PMS1: variants seen among roughly 807,000 people sequenced by gnomAD.
PMS1 encodes the protein PMS1 protein homolog 1.
In PMS1, 79 loss-of-function variants were observed where a neutral mutation model predicts 93.1. That is an observed-to-expected ratio of 0.85 (90% CI 0.71 to 1.02). The LOEUF is 1.02. PMS1 is among the 50% of genes least tolerant of loss of function. PMS1 has a pLI of 0.00. For missense variants in PMS1, 1,064 were observed against 1,085.3 expected (o/e 0.98, Z 0.28); for synonymous variants, 335 against 363.4 (o/e 0.92, Z 0.89).
chr2:189,855,982 G>C, intron 9 of PMS1: 1 of 354,836 alleles, frequency 2.8e-6, no homozygotes, highest in Non-Finnish European at 4.3e-6. Flanking sequence ...CCATCATCTG[G>C]AGTTTATATT....
chr2:189,872,837 T>A (rs543338533), intron 11 of PMS1, among the ~76,000 whole-genome samples: 1 of 152,212 alleles, frequency 6.6e-6, no homozygotes, highest in South Asian at 2.1e-4. Context: ...GGTCTCACCA[T>A]GTTGGACAGG....
intron 2 of PMS1, among the ~76,000 whole-genome samples, chr2:189,792,708 T>C (rs1362198814): frequency 6.8e-6 from 1 of 146,354 alleles, no homozygotes; most frequent in Non-Finnish European, 1.5e-5. Flanking sequence ...TATATATATA[T>C]ATATATATAT....
intron 6 of PMS1, among the ~76,000 whole-genome samples, chr2:189,848,081 A>T (rs5743115): frequency 1.1e-3 from 170 of 152,292 alleles, no homozygotes; most frequent in African/African-American, 4.0e-3. Flanking sequence ...GACACACTCC[A>T]GTGCTACTTC....
intron 11 of PMS1, among the ~76,000 whole-genome samples, chr2:189,869,386 C>G (rs2056939414): frequency 6.6e-6 from 1 of 152,122 alleles, no homozygotes; most frequent in African/African-American, 2.4e-5. Context: ...TGCTCAGGGT[C>G]CCTGGCATCT....
At chr2:189,800,277 C>A (rs1223041416) in intron 3 of PMS1, among the ~76,000 whole-genome samples, 2 of 152,066 alleles carry the variant, frequency 1.3e-5, no homozygotes, top group Non-Finnish European at 2.9e-5. Flanking sequence ...TCTTTACTAG[C>A]ATGATTAGAA....
At chr2:189,823,352 C>T (rs1245993595) in intron 5 of PMS1, among the ~76,000 whole-genome samples, 3 of 151,830 alleles carry the variant, frequency 2.0e-5, no homozygotes, top group Non-Finnish European at 4.4e-5. Context: ...ATACATGTGC[C>T]ATGTTGGTGT....
Position 189,852,650 on chromosome 2 carries a change from T to C in PMS1, c.700-5T>C. On this transcript the variant is annotated splice_polypyrimidine_tract_variant and splice_region_variant and intron_variant, in intron 6 of 12. Transcript: ENST00000441310. ...GACATTGCATATTCTGTAATTATTATATAGATTTATCTCAGTGGATTTCTT... is the reference window on the plus strand; with the variant it reads ...GACATTGCATATTCTGTAATTATTACATAGATTTATCTCAGTGGATTTCTT... The C allele has an allele frequency of 1.9e-6, 3 of 1,605,366 alleles. No homozygotes were observed. Among genetic ancestry groups the C allele is most frequent in the Non-Finnish European group, 1.7e-6 (2 of 1,172,200 alleles).
At chr2:189,856,938 C>G (rs1458848542) in intron 9 of PMS1, among the ~76,000 whole-genome samples, 1 of 152,044 alleles carries the variant, frequency 6.6e-6, no homozygotes. Flanking sequence ...AGGTAATATT[C>G]TGGAATCAAG....
At chr2:189,822,676 G>A (rs1392256638) in intron 5 of PMS1, among the ~76,000 whole-genome samples, 3 of 152,214 alleles carry the variant, frequency 2.0e-5, no homozygotes, top group Non-Finnish European at 4.4e-5. Context: ...AGTGATGAAT[G>A]CAGAGGAAAG....
chr2:189,861,415 T>C (rs256568), intron 9 of PMS1, among the ~76,000 whole-genome samples: 7,109 of 145,396 alleles, frequency 0.049, 190 homozygotes, highest in African/African-American at 0.089. Context: ...TTTTTTTTTT[T>C]AATGATATAG....
intron 9 of PMS1, among the ~76,000 whole-genome samples, chr2:189,863,003 G>C (rs1283447187): frequency 2.0e-5 from 3 of 152,090 alleles, no homozygotes; most frequent in Non-Finnish European, 2.9e-5. Context: ...TGGTGACTCA[G>C]GCTAATAAGA....
chr2:189,797,126 T>C (rs1442368297), intron 3 of PMS1, among the ~76,000 whole-genome samples: 1 of 152,220 alleles, frequency 6.6e-6, no homozygotes, highest in Non-Finnish European at 1.5e-5. Context: ...AGAAAGCATA[T>C]CATTTTTGTT....
intron 5 of PMS1, among the ~76,000 whole-genome samples, chr2:189,838,473 T>G (rs1420178146): frequency 6.6e-6 from 1 of 152,198 alleles, no homozygotes; most frequent in Non-Finnish European, 1.5e-5. Context: ...CTCATCATCT[T>G]CCTGCCACCA....
rs145406444 is a variant in PMS1, at chr2:189,855,125, T to G, written c.1853T>G (p.Leu618Arg). 2 of 1,612,252 alleles carry G rather than the reference T, an allele frequency of 1.2e-6. No homozygotes were observed. The highest frequency in any genetic ancestry group is 1.7e-6 in the Non-Finnish European group (2 of 1,178,768). ...LWKTLSEEEK[L>R]KYEEKATKDL... ...AAGACATTGAGTGAAGAGGAAAAAC[T>G]GAAGTAAGTTTCCAGAGCTTGCATG... The change falls in exon 9 of 13, where the codon CTG (leucine) becomes CGG (arginine). Residue 618 changes from leucine to arginine, a missense_variant. By Grantham distance (102) the Leu-to-Arg change is moderately radical. Coordinates refer to ENST00000441310, the MANE Select transcript of PMS1 (RefSeq NM_000534.5).
chr2:189,865,774 A>G (rs2056602805), intron 10 of PMS1, among the ~76,000 whole-genome samples: 1 of 152,214 alleles, frequency 6.6e-6, no homozygotes, highest in Non-Finnish European at 1.5e-5. Context: ...TTTCAGTCAG[A>G]CACAGGTAGA....
chr2:189,876,560 C>T (rs1382429003), intron 12 of PMS1, among the ~76,000 whole-genome samples: 4 of 152,128 alleles, frequency 2.6e-5, no homozygotes, highest in Non-Finnish European at 5.9e-5. Context: ...CTTCTGTCTG[C>T]GTGAGATGCT....
At position 189,818,126 on chromosome 2, in the gene PMS1, C is replaced by T; in HGVS notation, c.528C>T (p.Leu176=). 1.2e-6 allele frequency: 2 copies of T among 1,609,010 alleles called. No homozygotes were observed. Among genetic ancestry groups the T allele is most frequent in the East Asian group, 2.2e-5 (1 of 44,766 alleles). The change falls in exon 5 of 13, where the codon CTC becomes CTT. Residue 176 remains leucine, a synonymous_variant. Transcript: ENST00000441310. ...AAATAAAAAAGATCCAAGATCTCCT[C>T]ATGAGCTTTGGTATCCTTAAACCTG... The part of the protein sequence containing the change: ...KDEIKKIQDL[L]MSFGILKPDL...
chr2:189,847,769 A>T (rs1481366191), intron 6 of PMS1, among the ~76,000 whole-genome samples: 1 of 152,026 alleles, frequency 6.6e-6, no homozygotes, highest in Non-Finnish European at 1.5e-5. Context: ...TTAAGGTCCT[A>T]ATTCTGTTCC....
chr2:189,844,977 C>T (rs2054135081), intron 6 of PMS1, among the ~76,000 whole-genome samples: 1 of 151,990 alleles, frequency 6.6e-6, no homozygotes. Flanking sequence ...CATGCCTCAG[C>T]CTCCCTAGTA....
Sources: gnomAD v4.1 joint callset for allele counts (sites outside exome capture counted in the v4.1 genomes callset) on GRCh38, gnomAD v4.1.1 for gene constraint, MANE v1.5 for transcripts, NCBI Gene and HGNC (gene_info 2026-07-23, HGNC 2026-07-21) for gene names.